ADAMTS17: variants seen among roughly 807,000 people sequenced by gnomAD.
ADAMTS17 encodes ADAM metallopeptidase with thrombospondin type 1 motif 17.
A neutral mutation model predicts 141.5 loss-of-function variants in ADAMTS17; 113 were observed. The ratio of observed to expected loss-of-function variants is 0.80; its 90% confidence interval spans 0.69 to 0.93. The LOEUF (loss-of-function observed/expected upper bound fraction) is 0.93. Among genes scored for constraint, ADAMTS17 ranks in the 40% least tolerant of loss-of-function variants. The pLI is 0.00. For missense variants in ADAMTS17, 1,659 were observed against 1,517.9 expected, an observed-to-expected ratio of 1.09 and a Z score of -1.54; for synonymous variants, 768 against 630.6, an observed-to-expected ratio of 1.22 and a Z score of -3.27.
At chr15:100,153,094 G>A (rs1335347313) in intron 9 of ADAMTS17, among the ~76,000 whole-genome samples, 3 of 152,132 alleles carry the variant, frequency 2.0e-5, no homozygotes, top group Admixed American at 6.5e-5. Flanking sequence ...AGAGATTATC[G>A]TATTTTCTTA....
intron 15 of ADAMTS17, among the ~76,000 whole-genome samples, chr15:100,059,366 G>A (rs557121804): frequency 4.1e-4 from 63 of 152,110 alleles, no homozygotes; most frequent in African/African-American, 1.3e-3. Flanking sequence ...TCGGGACAGC[G>A]TGCTCCTAGC....
chr15:100,187,507 T>A (rs780839588), intron 8 of ADAMTS17, among the ~76,000 whole-genome samples: 3 of 152,190 alleles, frequency 2.0e-5, no homozygotes, highest in Non-Finnish European at 4.4e-5. Flanking sequence ...ATATGATTCA[T>A]GTTGCAGCAA....
chr15:100,285,437 A>C (rs2044415503), intron 3 of ADAMTS17, among the ~76,000 whole-genome samples: 1 of 152,260 alleles, frequency 6.6e-6, no homozygotes. Context: ...GATACTCTTT[A>C]GTTTAGAAAG....
At chr15:100,195,278 G>A (rs756178893) in intron 8 of ADAMTS17, among the ~76,000 whole-genome samples, 6 of 152,186 alleles carry the variant, frequency 3.9e-5, no homozygotes, top group Admixed American at 1.3e-4. Context: ...GCTCGTGTCC[G>A]CAGCAGGGCT....
At chr15:99,977,991 C>T (rs529703138) in intron 20 of ADAMTS17, among the ~76,000 whole-genome samples, 42 of 152,302 alleles carry the variant, frequency 2.8e-4, no homozygotes, top group African/African-American at 9.9e-4. Context: ...AGGAATGGCA[C>T]CTGGGGTGGA....
intron 7 of ADAMTS17, among the ~76,000 whole-genome samples, chr15:100,223,819 A>G (rs866445687): frequency 6.6e-6 from 1 of 151,360 alleles, no homozygotes; most frequent in South Asian, 2.1e-4. Context: ...GTGTGTGTGT[A>G]TATATGTGTG....
intron 13 of ADAMTS17, among the ~76,000 whole-genome samples, chr15:100,113,561 G>T (rs2036924229): frequency 1.3e-5 from 2 of 152,202 alleles, no homozygotes; most frequent in Non-Finnish European, 2.9e-5. Context: ...CTGGGTAAAG[G>T]ATGTGGATTT....
rs1185297022 is a variant in ADAMTS17 at position 99,997,115 on chromosome 15, A to G, written c.2796+270T>C. Among the ~76,000 whole-genome samples the G allele has an allele frequency of 6.6e-6, 1 of 152,258 alleles. No homozygotes were observed. Among genetic ancestry groups the G allele is most frequent in the Non-Finnish European group, 1.5e-5 (1 of 68,038 alleles). ...TTAAAAAGTCGGTCAGTATCTGTCTATCCTATCTTGATGTGAGAATTTTCA... is the reference window on the plus strand; with the variant it reads ...TTAAAAAGTCGGTCAGTATCTGTCTGTCCTATCTTGATGTGAGAATTTTCA... On this transcript the variant is annotated intron_variant, in intron 19 of 21. Transcript: ENST00000268070. The surrounding 1 kb of genome is among the most constrained non-coding windows in gnomAD (Gnocchi z 4.7).
In ADAMTS17 at chr15:100,341,423, G is replaced by A. The variant is rs946139711; in HGVS notation, c.80-14C>T. 4 of 1,015,066 alleles carry A rather than the reference G, an allele frequency of 3.9e-6. No homozygotes were observed. Among genetic ancestry groups the A allele is most frequent in the African/African-American group, 1.7e-5 (1 of 57,412 alleles). The allele number at this position is 1,015,066 out of a possible 1,614,324, so 62.9% of individuals were successfully genotyped here. On this transcript the variant is annotated splice_polypyrimidine_tract_variant and intron_variant, in intron 1 of 21. Coordinates refer to ENST00000268070, the MANE Select transcript of ADAMTS17 (RefSeq NM_139057.4). ...CGTCGCCGACAGCTGCGGGGAGAGAGGAGACGCGTCAGCGCGGCGGGGCCC... is the reference window on the plus strand; with the variant it reads ...CGTCGCCGACAGCTGCGGGGAGAGAAGAGACGCGTCAGCGCGGCGGGGCCC...
chr15:100,140,636 C>T (rs1443558160), intron 10 of ADAMTS17, among the ~76,000 whole-genome samples: 3 of 152,014 alleles, frequency 2.0e-5, no homozygotes, highest in East Asian at 1.9e-4. Context: ...CTCTTTCCTA[C>T]CCACATCAAC....
intron 3 of ADAMTS17, among the ~76,000 whole-genome samples, chr15:100,326,176 C>A (rs1214660313): frequency 6.6e-6 from 1 of 152,096 alleles, no homozygotes; most frequent in African/African-American, 2.4e-5. Context: ...CTATTGATGT[C>A]TACTTATAGA....
chr15:100,085,437 G>C (rs995450593), intron 15 of ADAMTS17, among the ~76,000 whole-genome samples: 1 of 145,264 alleles, frequency 6.9e-6, no homozygotes, highest in Non-Finnish European at 1.5e-5. Context: ...TTATCCAGGA[G>C]AACTTCCCCA....
intron 8 of ADAMTS17, among the ~76,000 whole-genome samples, chr15:100,171,955 A>T (rs960155334): frequency 2.0e-5 from 3 of 152,162 alleles, no homozygotes; most frequent in African/African-American, 7.2e-5. Context: ...GAATCCCCTT[A>T]TCATCCCTCT....
intron 3 of ADAMTS17, among the ~76,000 whole-genome samples, chr15:100,325,848 C>A (rs1004444315): frequency 6.6e-6 from 1 of 152,170 alleles, no homozygotes; most frequent in Non-Finnish European, 1.5e-5. Flanking sequence ...CAACACAAAT[C>A]GACTAACACA....
chr15:100,045,999 G>A lies in ADAMTS17; in HGVS notation c.2591+2858C>T, dbSNP rs532970923. Among the ~76,000 whole-genome samples, 6 of 152,228 alleles carry A rather than the reference G, an allele frequency of 3.9e-5. No individual in the cohort carries two copies. The South Asian group carries it at 8.3e-4, about 21-fold the overall frequency. On this transcript the variant is annotated intron_variant, in intron 18 of 21. Transcript: ENST00000268070. The stretch of plus-strand genomic sequence containing the variant: ...AGGTTCAAGCAATTCTCCTGCCTCA[G>A]CCTCCTGAGTAGCTGAGACTACAGG...
At chr15:100,159,450 G>A (rs981133355) in intron 8 of ADAMTS17, among the ~76,000 whole-genome samples, 1 of 152,138 alleles carries the variant, frequency 6.6e-6, no homozygotes. Flanking sequence ...CTTAGCAAAG[G>A]ACATTAAAAG....
chr15:99,985,792 C>T lies in ADAMTS17; in HGVS notation c.2949+7256G>A, dbSNP rs9806250. ...AGATGGGTGAGGGTCCAATGAGATA[C>T]CCTGAGGGAACGTGCTTTGTAAATT... On this transcript the variant is annotated intron_variant, in intron 20 of 21. Transcript: ENST00000268070. Among the ~76,000 whole-genome samples, 472 of 152,302 alleles carry T rather than the reference C, an allele frequency of 3.1e-3. 2 individuals are homozygous for T. Among genetic ancestry groups the T allele is most frequent in the African/African-American group, 0.011 (439 of 41,556 alleles).
chr15:100,036,839 G>A (rs768683315), intron 18 of ADAMTS17, among the ~76,000 whole-genome samples: 2 of 152,170 alleles, frequency 1.3e-5, no homozygotes, highest in South Asian at 4.2e-4. Flanking sequence ...TTTCACATGT[G>A]ACCTTTTGTG....
rs554087234 is a variant in ADAMTS17, at chr15:100,013,662, T to C, written c.2592-16073A>G. On this transcript the variant is annotated intron_variant, in intron 18 of 21. Coordinates refer to ENST00000268070, the MANE Select transcript of ADAMTS17 (RefSeq NM_139057.4). ...ATGATCATGTGATTTTTGTTTTAAA[T>C]TCTATTTATGTGGTGTATCACATTT... Among the ~76,000 whole-genome samples, 37 of 152,338 alleles carry C rather than the reference T, an allele frequency of 2.4e-4. No individual in the cohort carries two copies. In the South Asian group the frequency reaches 7.7e-3, roughly 32 times the overall value.
Sources: allele counts gnomAD v4.1 joint callset (sites outside exome capture counted in the v4.1 genomes callset), GRCh38; gene constraint gnomAD v4.1.1; non-coding constraint Gnocchi (gnomAD v3.1); transcripts MANE v1.5; gene names NCBI Gene and HGNC (gene_info 2026-07-23, HGNC 2026-07-21).